The following OTC variants were observed in gnomAD, a reference collection of about 807,000 sequenced individuals.
OTC encodes ornithine transcarbamylase, mitochondrial.
OTC carries 3 observed loss-of-function variants against 30.3 expected under a neutral mutation model. The observed-to-expected ratio is 0.10, with a 90% confidence interval of 0.05 to 0.26. The LOEUF is 0.26. OTC is among the 10% of genes least tolerant of loss of function. OTC has a pLI of 1.00. For synonymous variants in OTC, 111 were observed against 99.7 expected (o/e 1.11, Z -0.67); for missense variants, 194 against 260.3 (o/e 0.75, Z 1.75).
intron 3 of OTC, among the ~76,000 whole-genome samples, chrX:38,374,188 A>G (rs1348512837): frequency 8.9e-6 from 1 of 111,798 alleles, no homozygotes; most frequent in African/African-American, 3.2e-5. Flanking sequence ...AGATAAAAAG[A>G]AGAAGAAATT....
At chrX:38,349,748 C>T (rs572198716), upstream of OTC, among the ~76,000 whole-genome samples, 3 of 112,086 alleles carry the variant, frequency 2.7e-5, no homozygotes, top group South Asian at 7.4e-4. Flanking sequence ...GAAGTTTATC[C>T]TCAAGAAGAC....
intron 3 of OTC, among the ~76,000 whole-genome samples, chrX:38,378,978 C>A (rs1050402496): frequency 9.0e-6 from 1 of 111,090 alleles, no homozygotes; most frequent in African/African-American, 3.3e-5. Flanking sequence ...CTGCTAGTGC[C>A]AAAGGAGTGA....
chrX:38,406,664 G>A (rs1032456604), intron 6 of OTC, among the ~76,000 whole-genome samples: 1 of 111,869 alleles, frequency 8.9e-6, no homozygotes, highest in Non-Finnish European at 1.9e-5. Context: ...CAAAGGGAAG[G>A]CTAAATTTTC....
At chrX:38,408,674 T>G in intron 6 of OTC, 68 bp from the exon 7 acceptor site, 2 of 723,627 alleles carry the variant, frequency 2.8e-6, no homozygotes, top group Non-Finnish European at 4.2e-6. Context: ...GAAAAGAAAA[T>G]AATATATATT....
At chrX:38,388,185 C>T (rs2068413266) in intron 4 of OTC, among the ~76,000 whole-genome samples, 1 of 111,789 alleles carries the variant, frequency 8.9e-6, no homozygotes, top group Non-Finnish European at 1.9e-5. Flanking sequence ...CATGGGAAGA[C>T]AGCCTTAAGA....
In OTC at chrX:38,354,388, T is replaced by C. The variant is rs1428487248; in HGVS notation, c.77+1615T>C. ...TTCTATAGCTTTTAACAAGGAATCA[T>C]CACTGAGTTGAAAACACCCAACTGA... On this transcript the variant is annotated intron_variant, in intron 1 of 9. Coordinates refer to ENST00000039007, the MANE Select transcript of OTC (RefSeq NM_000531.6). Among the ~76,000 whole-genome samples the C allele has an allele frequency of 3.6e-5, 4 of 112,124 alleles. No individual in the cohort carries two copies. In the East Asian group the frequency reaches 1.1e-3, roughly 31 times the overall value.
chrX:38,328,700 G>A, the OTC span, among the ~76,000 whole-genome samples: 1 of 111,981 alleles, frequency 8.9e-6, no homozygotes, highest in Non-Finnish European at 1.9e-5. Context: ...TTAGGCAGTA[G>A]AACAACAGGA....
intron 3 of OTC, among the ~76,000 whole-genome samples, chrX:38,374,993 T>A (rs1283142799): frequency 1.8e-5 from 2 of 112,288 alleles, no homozygotes; most frequent in African/African-American, 3.2e-5. Context: ...AATGAGAGGC[T>A]GTTCACAAAT....
chrX:38,383,777 A>G (rs1393057199), intron 4 of OTC, among the ~76,000 whole-genome samples: 1 of 108,773 alleles, frequency 9.2e-6, no homozygotes, highest in Admixed American at 9.8e-5. Context: ...CAGCCTGGGC[A>G]AGAAGAGCAA....
At chrX:38,401,200 A>G (rs1280480882) in intron 4 of OTC, 75 bp from the exon 5 acceptor site, 1 of 771,185 alleles carries the variant, frequency 1.3e-6, no homozygotes, top group Non-Finnish European at 2.0e-6. Flanking sequence ...TCTTGTTATT[A>G]TTTCTGATCT....
intron 1 of OTC, among the ~76,000 whole-genome samples, chrX:38,355,409 CTCTT>C (rs889509145): frequency 3.6e-5 from 4 of 112,061 alleles, no homozygotes; most frequent in African/African-American, 1.3e-4. Flanking sequence ...AAAAAAAAAT[CTCTT>C]TCTTTATCAG....
chrX:38,332,708 AAAC>A, the OTC span, among the ~76,000 whole-genome samples: 2 of 107,903 alleles, frequency 1.9e-5, no homozygotes, highest in Admixed American at 2.0e-4. Context: ...GCTGCAGCTC[AAAC>A]AACACCCAAA....
At chrX:38,328,600 G>A in the OTC span, among the ~76,000 whole-genome samples, 1 of 111,966 alleles carries the variant, frequency 8.9e-6, no homozygotes, top group African/African-American at 3.2e-5. Flanking sequence ...ACCAAGAGGC[G>A]AGGCTGGTTC....
At chrX:38,344,663 G>A in the OTC span, among the ~76,000 whole-genome samples, 19 of 111,269 alleles carry the variant, frequency 1.7e-4, no homozygotes. Context: ...TTGTTACCCT[G>A]GGTTATGCAA....
chrX:38,368,087 C>T (rs953981013), intron 2 of OTC, among the ~76,000 whole-genome samples: 4 of 100,260 alleles, frequency 4.0e-5, no homozygotes, highest in Non-Finnish European at 6.0e-5. Flanking sequence ...GAAGGCCAGG[C>T]GCAGTGGCTC....
In OTC at chrX:38,411,939, C is replaced by A. The variant is rs1296441032; in HGVS notation, c.945C>A (p.Val315=). 3 of 1,207,050 alleles carry A rather than the reference C, an allele frequency of 2.5e-6. No homozygotes were observed. Among genetic ancestry groups the A allele is most frequent in the African/African-American group, 3.5e-5 (2 of 57,156 alleles). ...PRKPEEVDDE[V]FYSPRSLVFP... ...AGCCAGAAGAAGTGGATGATGAAGT[C>A]TTTTATTCTCCTCGATCACTAGTGT... The change falls in exon 9 of 10, where the codon GTC becomes GTA. Residue 315 remains valine, a synonymous_variant. Coordinates refer to ENST00000039007, the MANE Select transcript of OTC (RefSeq NM_000531.6).
intron 1 of OTC, among the ~76,000 whole-genome samples, chrX:38,359,081 G>A (rs2068256928): frequency 8.9e-6 from 1 of 111,905 alleles, no homozygotes; most frequent in Non-Finnish European, 1.9e-5. Flanking sequence ...AAGAACCAAA[G>A]TATCAGTGTA....
At chrX:38,416,854 A>G (rs1313775215) in intron 9 of OTC, among the ~76,000 whole-genome samples, 2 of 112,202 alleles carry the variant, frequency 1.8e-5, no homozygotes, top group Non-Finnish European at 3.8e-5. Context: ...TAGACAATTA[A>G]AAACAAAGCA....
At chrX:38,362,604 T>C (rs955341808) in intron 1 of OTC, among the ~76,000 whole-genome samples, 4 of 112,516 alleles carry the variant, frequency 3.6e-5, no homozygotes, top group African/African-American at 1.3e-4. Flanking sequence ...TCAAATCTTC[T>C]GTCAGTGGAG....
Sources: allele counts gnomAD v4.1 joint callset (sites outside exome capture counted in the v4.1 genomes callset), GRCh38; gene constraint gnomAD v4.1.1; transcripts MANE v1.5; gene names NCBI Gene and HGNC (gene_info 2026-07-23, HGNC 2026-07-21).